The following SKOR2 variants were observed in gnomAD, a reference collection of about 807,000 sequenced individuals.
SKOR2 encodes LBX1 corepressor 1-like protein.
A neutral mutation model predicts 69.1 loss-of-function variants in SKOR2; 47 were observed. The ratio of observed to expected loss-of-function variants is 0.68; its 90% CI spans 0.54 to 0.87. SKOR2 has a LOEUF of 0.87. Ranked by LOEUF, SKOR2 falls within the 40% of genes least tolerant of loss-of-function variation. The probability of loss-of-function intolerance (pLI) is 0.00; values close to 1 mark genes in which losing one functional copy is unlikely to be tolerated. For synonymous variants in SKOR2, 717 were observed against 672.6 expected (o/e 1.07, Z -1.02); for missense variants, 1,404 against 1,472.2 (o/e 0.95, Z 0.76).
rs2064292244 is a variant in SKOR2, at chr18:47,248,235, A to T, written c.949T>A (p.Ser317Thr). The T allele has an allele frequency of 1.6e-5, 20 of 1,225,960 alleles. No homozygotes were observed. In the South Asian group the frequency reaches 4.2e-4, roughly 26 times the overall value. 75.9% of individuals were successfully genotyped at this position (1,225,960 alleles called of 1,614,324 possible). Residue 317 changes from serine to threonine, a missense_variant, in exon 2 of 9, where the codon TCC becomes ACC. Coordinates refer to ENST00000425639, the MANE Select transcript of SKOR2 (RefSeq NM_001278063.4). The surrounding 1 kb of genome is among the most constrained non-coding windows in gnomAD (Gnocchi z 6.4). Reference protein sequence around the residue: ...KRPRFDDDDDSLQEAAVVAAA... With the variant: ...KRPRFDDDDDTLQEAAVVAAA... The stretch of plus-strand genomic sequence containing the variant: ...GCCACTACGGCGGCCTCCTGCAAGG[A>T]GTCGTCGTCGTCGTCGAAGCGCGGC...
intron 4 of SKOR2, among the ~76,000 whole-genome samples, chr18:47,240,026 T>C (rs1292480254): frequency 1.3e-5 from 2 of 152,162 alleles, no homozygotes; most frequent in Non-Finnish European, 2.9e-5. Context: ...GAATAATGAA[T>C]CAGAGTGCTT....
chr18:47,248,377 C>T lies in SKOR2; in HGVS notation c.807G>A (p.Ala269=). The T allele has an allele frequency of 1.5e-6, 2 of 1,295,516 alleles. No individual in the cohort carries two copies. Among genetic ancestry groups the T allele is most frequent in the African/African-American group, 1.6e-5 (1 of 63,590 alleles). 80.3% of individuals were successfully genotyped at this position (1,295,516 alleles called of 1,614,324 possible). The change falls in exon 2 of 9, where the codon GCG becomes GCA. Residue 269 remains alanine (A), a synonymous_variant. Coordinates refer to ENST00000425639, the MANE Select transcript of SKOR2 (RefSeq NM_001278063.4). The surrounding 1 kb of genome is among the most constrained non-coding windows in gnomAD (Gnocchi z 6.4). The stretch of plus-strand genomic sequence containing the variant: ...CCAGCAGACCCCCGCCTCCGGCCAC[C>T]GCGGCCGCGGCGGCCACGGCGGCCG... ...VKAAAVAAAA[A]VAGGGGLLGP... is the part of the protein sequence containing the mutation.
In SKOR2 at chr18:47,247,622, CCAG is replaced by C; in HGVS notation, c.1559_1561del (p.Ala520del). On this transcript the variant is annotated inframe_deletion, in exon 2 of 9. Transcript: ENST00000425639. The surrounding 1 kb of genome is among the most constrained non-coding windows in gnomAD (Gnocchi z 6.6). Reference sequence around the variant, plus strand: ...CGGCGGGGGCGCGGCCTCGGCGCTCCCAGCAGCACCGCCTGGCTCAGCCAGGTC... The same window carrying C: ...CGGCGGGGGCGCGGCCTCGGCGCTCCCAGCACCGCCTGGCTCAGCCAGGTC... 1 of 1,293,572 alleles carries C rather than the reference CCAG, an allele frequency of 7.7e-7. No homozygotes were observed. The highest frequency in any genetic ancestry group is 9.8e-7 in the Non-Finnish European group (1 of 1,023,368). 80.1% of individuals were successfully genotyped at this position (1,293,572 alleles called of 1,614,324 possible).
intron 4 of SKOR2, among the ~76,000 whole-genome samples, chr18:47,238,719 G>T (rs542183843): frequency 1.3e-5 from 2 of 152,250 alleles, no homozygotes; most frequent in South Asian, 4.1e-4. Context: ...TTATAATTTC[G>T]GTCAAGTGTC....
chr18:47,217,842 G>T, intron 7 of SKOR2, among the ~76,000 whole-genome samples: 1 of 150,558 alleles, frequency 6.6e-6, no homozygotes, highest in Admixed American at 6.6e-5. Flanking sequence ...ACCTACAAGG[G>T]CAGGAGGGTG....
At chr18:47,214,942 T>C (rs1363239440) in intron 7 of SKOR2, among the ~76,000 whole-genome samples, 1 of 152,022 alleles carries the variant, frequency 6.6e-6, no homozygotes, top group Non-Finnish European at 1.5e-5. Context: ...CAAAGTATTA[T>C]GTAACTTCTA....
At position 47,245,025 on chromosome 18, in the gene SKOR2, G is replaced by A. The variant is rs1181631617; in HGVS notation, c.2678-43C>T. 1.2e-5 allele frequency: 18 copies of A among 1,489,376 alleles called. No individual in the cohort carries two copies. The Admixed American group carries it at 3.6e-4, about 30-fold the overall frequency. 92.3% of individuals were successfully genotyped at this position (1,489,376 alleles called of 1,614,324 possible). Reference sequence around the variant, plus strand: ...CACAAAATCTGCAAGTGATCCAACTGACAAGAGGCACACAAAGATCCAATT... The same window carrying A: ...CACAAAATCTGCAAGTGATCCAACTAACAAGAGGCACACAAAGATCCAATT... On this transcript the variant is annotated intron_variant, in intron 3 of 8. Coordinates refer to ENST00000425639, the MANE Select transcript of SKOR2 (RefSeq NM_001278063.4).
At chr18:47,211,622 G>A (rs529291420) in intron 8 of SKOR2, among the ~76,000 whole-genome samples, 47 of 152,268 alleles carry the variant, frequency 3.1e-4, no homozygotes, top group African/African-American at 1.1e-3. Context: ...ACTATTCCTA[G>A]AGCAGAAGGT....
intron 6 of SKOR2, among the ~76,000 whole-genome samples, chr18:47,224,233 A>T (rs527319221): frequency 3.9e-5 from 6 of 152,242 alleles, no homozygotes; most frequent in African/African-American, 1.4e-4. Flanking sequence ...CTAAAGGTTG[A>T]TGAAGACAGA....
rs557707465 is a variant in SKOR2 at position 47,243,786 on chromosome 18, C to CA, written c.2752+1121dup. On this transcript the variant is annotated intron_variant, in intron 4 of 8. Coordinates refer to ENST00000425639, the MANE Select transcript of SKOR2 (RefSeq NM_001278063.4). ...TGGAAGTGATAATAATAAAAACATT[C>CA]AAAATGTGCTAACAAACAGGTAATG... is the stretch of plus-strand genomic sequence containing the variant. 1.2e-3 allele frequency among the ~76,000 whole-genome samples: 189 copies of CA among 152,248 alleles called. 1 individual carries two copies. Among genetic ancestry groups the CA allele is most frequent in the African/African-American group, 4.3e-3 (180 of 41,554 alleles).
chr18:47,212,880 C>T (rs2144476321), intron 7 of SKOR2, among the ~76,000 whole-genome samples: 1 of 152,248 alleles, frequency 6.6e-6, no homozygotes, highest in South Asian at 2.1e-4. Flanking sequence ...GGGAAGAACG[C>T]TTGAGCCCAG....
intron 7 of SKOR2, among the ~76,000 whole-genome samples, chr18:47,214,407 A>AT (rs2064137443): frequency 6.6e-6 from 1 of 152,208 alleles, no homozygotes; most frequent in Non-Finnish European, 1.5e-5. Context: ...GGGGTGAAGA[A>AT]TTATCCCTAC....
intron 4 of SKOR2, among the ~76,000 whole-genome samples, chr18:47,238,237 T>G (rs1462842202): frequency 6.6e-6 from 1 of 151,930 alleles, no homozygotes; most frequent in East Asian, 1.9e-4. Context: ...ACAGAGGAAG[T>G]CTGCAGAAAA....
intron 7 of SKOR2, among the ~76,000 whole-genome samples, chr18:47,214,381 G>T (rs113649645): frequency 0.016 from 2,402 of 152,242 alleles, 18 homozygotes; most frequent in Non-Finnish European, 0.026. Flanking sequence ...CAAGGGTCCA[G>T]ATTGGAATTT....
chr18:47,233,909 A>C (rs533207145), intron 4 of SKOR2, among the ~76,000 whole-genome samples: 2 of 152,230 alleles, frequency 1.3e-5, no homozygotes, highest in Non-Finnish European at 2.9e-5. Context: ...TCTACTGATG[A>C]TGTTAATAAA....
At chr18:47,245,044 T>C in intron 3 of SKOR2, 62 bp from the exon 4 acceptor site, 1 of 1,434,652 alleles carries the variant, frequency 7.0e-7, no homozygotes, top group Non-Finnish European at 9.3e-7. Context: ...CACACAAAGA[T>C]CCAATTTTTT....
chr18:47,246,766 G>T lies in SKOR2; in HGVS notation c.2418C>A (p.Val806=). The change falls in exon 2 of 9, where the codon GTC becomes GTA. Residue 806 remains valine, a synonymous_variant. Coordinates refer to ENST00000425639, the MANE Select transcript of SKOR2 (RefSeq NM_001278063.4). The part of the protein sequence containing the change: ...KGSSRDRAPA[V]AGAFPLGLNS... Reference sequence around the variant, plus strand: ...TCAGGCCGAGCGGGAACGCGCCCGCGACGGCCGGCGCGCGGTCCCGGCTGC... The same window carrying T: ...TCAGGCCGAGCGGGAACGCGCCCGCTACGGCCGGCGCGCGGTCCCGGCTGC... The T allele has an allele frequency of 7.1e-7, 1 of 1,403,836 alleles. No individual in the cohort carries two copies. The allele number at this position is 1,403,836 out of a possible 1,614,324, so 87.0% of individuals were successfully genotyped here. A position where few individuals can be genotyped will look rare whatever the true frequency, so the allele number is the denominator to read the frequency against.
Position 47,247,455 on chromosome 18 carries a change from C to T in SKOR2, c.1729G>A (p.Ala577Thr). ...GCCCCGGCAGCTGCCACAGAGTCCG[C>T]GGGCGGCGTGGAGCCCGCGCTGCAG... ...GDCSAGSTPP[A>T]DSVAAAGAGA... The change falls in exon 2 of 9, where the codon GCG becomes ACG. Residue 577 changes from alanine to threonine, a missense_variant. By Grantham distance (58) the Ala-to-Thr change is moderately conservative. Transcript: ENST00000425639. The surrounding 1 kb of genome is among the most constrained non-coding windows in gnomAD (Gnocchi z 6.6). The T allele has an allele frequency of 1.6e-6, 2 of 1,239,636 alleles. No homozygotes were observed. The highest frequency in any genetic ancestry group is 1.0e-6 in the Non-Finnish European group (1 of 992,652). 76.8% of individuals were successfully genotyped at this position (1,239,636 alleles called of 1,614,324 possible). A position where few individuals can be genotyped will look rare whatever the true frequency, so the allele number is the denominator to read the frequency against.
chr18:47,247,829 C>G lies in SKOR2; in HGVS notation c.1355G>C (p.Gly452Ala), dbSNP rs1269721816. The change falls in exon 2 of 9, where the codon GGC becomes GCC. Residue 452 changes from glycine (G) to alanine (A), a missense_variant. By Grantham distance (60) the Gly-to-Ala change is moderately conservative (BLOSUM62 0). This residue lies in a region of SKOR2 where 1,266 missense variants were observed against 1,309.9 expected (regional missense o/e 0.97). Transcript: ENST00000425639. This position sits in a 1 kb window ranked among gnomAD's most constrained non-coding sequence, Gnocchi z 6.6. Reference protein sequence around the residue: ...AGAAPKAGLSGLFWPAGRKDA... With the variant: ...AGAAPKAGLSALFWPAGRKDA... ...CTTGCGGCCCGCGGGCCAGAAGAGG[C>G]CGGACAAGCCGGCCTTGGGCGCCGC... The G allele has an allele frequency of 4.3e-6, 6 of 1,381,664 alleles. No homozygotes were observed. The Middle Eastern group carries it at 1.2e-3, about 286-fold the overall frequency. The allele number at this position is 1,381,664 out of a possible 1,614,324, so 85.6% of individuals were successfully genotyped here.
Sources: allele counts gnomAD v4.1 joint callset (sites outside exome capture counted in the v4.1 genomes callset), GRCh38; gene constraint gnomAD v4.1.1; regional missense constraint gnomAD v4.1.1; non-coding constraint Gnocchi (gnomAD v3.1); transcripts MANE v1.5; gene names NCBI Gene and HGNC (gene_info 2026-07-23, HGNC 2026-07-21).